The following ASPH variants were observed in gnomAD, a reference collection of about 807,000 sequenced individuals.
ASPH encodes the protein aspartyl/asparaginyl beta-hydroxylase.
In ASPH, 100 loss-of-function variants were observed where a neutral mutation model predicts 118.4. That is an observed-to-expected ratio of 0.84 (90% CI 0.72 to 1.00). ASPH has a LOEUF of 1.00. ASPH is among the 50% of genes least tolerant of loss of function. ASPH has a pLI of 0.00. For synonymous variants in ASPH, 315 were observed against 325.6 expected (o/e 0.97, Z 0.35); for missense variants, 920 against 919.5 (o/e 1.00, Z -0.01).
rs552446861 is a variant in ASPH at position 61,503,142 on chromosome 8, C to CA, written c.*216dup. On this transcript the variant is annotated 3_prime_UTR_variant, in exon 25 of 25. Coordinates refer to ENST00000379454, the MANE Select transcript of ASPH (RefSeq NM_004318.4). ...AATACTGGCAGAAGACCAGTGCTGT[C>CA]ATGAGATGACACACAGCAGGGTGTT... 3.5e-4 allele frequency: 146 copies of CA among 413,046 alleles called. 2 individuals are homozygous for CA. The South Asian group carries it at 0.012, about 33-fold the overall frequency. 25.6% of individuals were successfully genotyped at this position (413,046 alleles called of 1,614,324 possible).
At chr8:61,537,003 G>C (rs1819878673) in intron 21 of ASPH, among the ~76,000 whole-genome samples, 1 of 152,170 alleles carries the variant, frequency 6.6e-6, no homozygotes, top group Admixed American at 6.5e-5. Flanking sequence ...TCGTTCTAGT[G>C]AGTGAGAGAA....
intron 21 of ASPH, among the ~76,000 whole-genome samples, chr8:61,539,699 G>GTGTGTGTGTGTGT (rs1554618408): frequency 7.2e-5 from 9 of 124,306 alleles, no homozygotes; most frequent in East Asian, 4.7e-4. Context: ...ACACTTCTGG[G>GTGTGTGTGTGTGT]GTGTGTGTGT....
At chr8:61,539,717 T>C (rs975496837) in intron 21 of ASPH, among the ~76,000 whole-genome samples, 2 of 150,738 alleles carry the variant, frequency 1.3e-5, no homozygotes, top group African/African-American at 4.9e-5. Context: ...TGTGTGTGTG[T>C]GTGTGTGTGT....
chr8:61,714,452 G>C lies in ASPH; in HGVS notation c.-81C>G. 4 of 1,356,198 alleles carry C rather than the reference G, an allele frequency of 2.9e-6. No individual in the cohort carries two copies. Among genetic ancestry groups the C allele is most frequent in the Non-Finnish European group, 1.9e-6 (2 of 1,054,532 alleles). The allele number at this position is 1,356,198 out of a possible 1,614,324, so 84.0% of individuals were successfully genotyped here. A position where few individuals can be genotyped will look rare whatever the true frequency, so the allele number is the denominator to read the frequency against. ...TACACACGCGACGCGGGAACCGCTG[G>C]CGGCGGCGGGCCGCTGGAGCGGGTT... is the stretch of plus-strand genomic sequence containing the variant. On this transcript the variant is annotated 5_prime_UTR_variant, in exon 1 of 25. Transcript: ENST00000379454.
intron 21 of ASPH, among the ~76,000 whole-genome samples, chr8:61,532,385 T>G (rs185256784): frequency 2.3e-4 from 35 of 152,330 alleles, no homozygotes; most frequent in Non-Finnish European, 4.4e-4. Context: ...GTTATTCAGT[T>G]TTTTTGCCAT....
At chr8:61,643,031 T>A in intron 9 of ASPH, 111 bp from the exon 10 acceptor site, 1 of 960,220 alleles carries the variant, frequency 1.0e-6, no homozygotes, top group Non-Finnish European at 1.5e-6. Context: ...CTCTACTCCT[T>A]CAAATATTAA....
intron 16 of ASPH, among the ~76,000 whole-genome samples, chr8:61,570,814 T>C (rs973437360): frequency 8.5e-5 from 13 of 152,218 alleles, no homozygotes; most frequent in Non-Finnish European, 1.0e-4. Flanking sequence ...CCAATCTTCC[T>C]ATGAGATGTG....
rs375361073 is a variant in ASPH, at chr8:61,516,205, T to C, written c.2126+1323A>G. ...GCTTTCAATGTCCGAATCCTTCTTG[T>C]CTTTAAAAACCACCACTCTGCAAGT... On this transcript the variant is annotated intron_variant, in intron 24 of 24. Coordinates refer to ENST00000379454, the MANE Select transcript of ASPH (RefSeq NM_004318.4). 5.3e-4 allele frequency among the ~76,000 whole-genome samples: 81 copies of C among 152,294 alleles called. No homozygotes were observed. In the South Asian group the frequency reaches 0.017, roughly 31 times the overall value.
chr8:61,676,436 A>C (rs1313858309), intron 3 of ASPH: 4 of 922,262 alleles, frequency 4.3e-6, no homozygotes, highest in Non-Finnish European at 6.3e-6. Flanking sequence ...AGGTTTACAG[A>C]AACGGTATTT....
chr8:61,625,189 A>G (rs1354799598), intron 13 of ASPH: 1 of 985,760 alleles, frequency 1.0e-6, no homozygotes, highest in South Asian at 4.7e-5. Context: ...ATTATTTTCA[A>G]CAGAGCAATT....
At chr8:61,627,028 C>T (rs912301034) in intron 13 of ASPH, among the ~76,000 whole-genome samples, 1 of 151,960 alleles carries the variant, frequency 6.6e-6, no homozygotes, top group African/African-American at 2.4e-5. Flanking sequence ...GAATTTCTAT[C>T]TATCTATCTA....
At chr8:61,558,908 CT>C (rs540589059) in intron 18 of ASPH, among the ~76,000 whole-genome samples, 16 of 152,190 alleles carry the variant, frequency 1.1e-4, no homozygotes, top group African/African-American at 1.4e-4. Flanking sequence ...CCAACTCCCC[CT>C]CATCCTCCTC....
At chr8:61,686,109 G>C (rs1830413482) in intron 1 of ASPH, among the ~76,000 whole-genome samples, 1 of 152,150 alleles carries the variant, frequency 6.6e-6, no homozygotes, top group Non-Finnish European at 1.5e-5. Flanking sequence ...CTCAGAACCA[G>C]AGTTGTAAAT....
chr8:61,578,536 C>T (rs9694936), intron 15 of ASPH: 1,338,423 of 1,551,974 alleles, frequency 0.86, 579,612 homozygotes, highest in African/African-American at 0.91. Flanking sequence ...GCCTCCTTCA[C>T]AGACAAGGTA....
rs148069978 is a variant in ASPH at position 61,598,074 on chromosome 8, A to G, written c.977-14045T>C. On this transcript the variant is annotated intron_variant, in intron 14 of 24. Transcript: ENST00000379454. ...AAAGGAGCAAAAAATATACAACAAC[A>G]ACAAAAGGAAAACAAGAAAACAATT... Among the ~76,000 whole-genome samples, 235 of 152,354 alleles carry G rather than the reference A, an allele frequency of 1.5e-3. 1 individual carries two copies. The highest frequency in any genetic ancestry group is 5.4e-3 in the African/African-American group (224 of 41,594).
At chr8:61,678,468 C>T (rs1214627287) in intron 3 of ASPH, among the ~76,000 whole-genome samples, 1 of 151,868 alleles carries the variant, frequency 6.6e-6, no homozygotes, top group East Asian at 1.9e-4. Context: ...AGGGCCTTGG[C>T]CAGAAATAAC....
intron 12 of ASPH, among the ~76,000 whole-genome samples, chr8:61,636,815 T>G (rs1858001008): frequency 6.6e-6 from 1 of 152,110 alleles, no homozygotes; most frequent in Non-Finnish European, 1.5e-5. Flanking sequence ...TCAGTAATAT[T>G]CTTCAGAACA....
chr8:61,538,249 C>T (rs983157210), intron 21 of ASPH, among the ~76,000 whole-genome samples: 8 of 152,070 alleles, frequency 5.3e-5, no homozygotes, highest in East Asian at 1.9e-4. Flanking sequence ...AAAAGTTCAC[C>T]GTTAAATCAT....
intron 15 of ASPH, chr8:61,578,980 T>C: frequency 6.2e-7 from 1 of 1,610,928 alleles, no homozygotes; most frequent in Non-Finnish European, 8.5e-7. Context: ...AGCCGCTCCC[T>C]GGACATGGAC....
Sources: gnomAD v4.1 joint callset for allele counts (sites outside exome capture counted in the v4.1 genomes callset) on GRCh38, gnomAD v4.1.1 for gene constraint, MANE v1.5 for transcripts, NCBI Gene and HGNC (gene_info 2026-07-23, HGNC 2026-07-21) for gene names.